RPS6KA1: variants seen among roughly 807,000 people sequenced by gnomAD.
RPS6KA1 encodes ribosomal protein S6 kinase A1.
In RPS6KA1, 48 loss-of-function variants were observed where a neutral mutation model predicts 91.3. The ratio of observed to expected loss-of-function variants is 0.53; its 90% CI spans 0.42 to 0.67. RPS6KA1 has a LOEUF of 0.67. RPS6KA1 is among the 30% of genes least tolerant of loss of function. The pLI, the probability that RPS6KA1 is intolerant of heterozygous loss-of-function variation, is 0.00. For missense variants in RPS6KA1, 719 were observed against 960.5 expected (o/e 0.75, Z 3.32); for synonymous variants, 359 against 384.7 (o/e 0.93, Z 0.78).
At chr1:26,546,734 G>A (rs1260913428) in intron 2 of RPS6KA1, 133 bp from the exon 3 acceptor site, 36 of 657,212 alleles carry the variant, frequency 5.5e-5, no homozygotes. Flanking sequence ...CTGGAGGCTA[G>A]CCCTTCAGGG....
chr1:26,548,733 A>T (rs965071743), intron 4 of RPS6KA1, among the ~76,000 whole-genome samples: 1 of 151,638 alleles, frequency 6.6e-6, no homozygotes, highest in African/African-American at 2.4e-5. Context: ...CAGGAGGTGG[A>T]GATTGCAGTG....
At chr1:26,565,183 T>C (rs2076188389) in intron 17 of RPS6KA1, among the ~76,000 whole-genome samples, 1 of 152,190 alleles carries the variant, frequency 6.6e-6, no homozygotes, top group African/African-American at 2.4e-5. Flanking sequence ...GAAGCTCTTC[T>C]TATTGAGATA....
chr1:26,532,315 T>G (rs933424618), intron 1 of RPS6KA1, among the ~76,000 whole-genome samples: 1 of 152,212 alleles, frequency 6.6e-6, no homozygotes, highest in African/African-American at 2.4e-5. Flanking sequence ...CACCCCACTT[T>G]AATTCTCACA....
chr1:26,555,297 A>G lies in RPS6KA1; in HGVS notation c.827+76A>G, dbSNP rs1570443967. On this transcript the variant is annotated intron_variant, in intron 10 of 21. Coordinates refer to ENST00000374168, the MANE Select transcript of RPS6KA1 (RefSeq NM_002953.4). The surrounding 1 kb of genome is among the most constrained non-coding windows in gnomAD (Gnocchi z 4.3). ...CCAGTTTGGGGGTCAGAATATTATT[A>G]CCCTGTCCCTGCCTCAGCTACCCTC... 3 of 1,419,792 alleles carry G rather than the reference A, an allele frequency of 2.1e-6. No individual in the cohort carries two copies. Among genetic ancestry groups the G allele is most frequent in the East Asian group, 2.3e-5 (1 of 43,194 alleles). 87.9% of individuals were successfully genotyped at this position (1,419,792 alleles called of 1,614,324 possible). A position where few individuals can be genotyped will look rare whatever the true frequency, so the allele number is the denominator to read the frequency against.
Position 26,573,234 on chromosome 1 carries a change from C to T in RPS6KA1, c.1958C>T (p.Ser653Phe), listed in dbSNP as rs779938878. ...CCACTGTGTCCCCAGGACCTGGTGT[C>T]CAAGATGCTACACGTGGATCCCCAC... ...TVSETAKDLV[S>F]KMLHVDPHQR... The change falls in exon 21 of 22, where the codon TCC (serine) becomes TTC (phenylalanine). Residue 653 changes from serine (S) to phenylalanine (F), a missense_variant. By Grantham distance (155) the Ser-to-Phe change is radical (BLOSUM62 -2). This residue lies in a region of RPS6KA1 where 249 missense variants were observed against 323.1 expected (regional missense o/e 0.77). Transcript: ENST00000374168. The T allele has an allele frequency of 6.2e-7, 1 of 1,614,042 alleles. No homozygotes were observed. Among genetic ancestry groups the T allele is most frequent in the Non-Finnish European group, 8.5e-7 (1 of 1,179,980 alleles).
In RPS6KA1 at chr1:26,547,226, G is replaced by C; in HGVS notation, c.263G>C (p.Gly88Ala). The change falls in exon 4 of 22, where the codon GGG becomes GCG. Residue 88 changes from glycine (G) to alanine (A), a missense_variant. Around this residue, in one of 5 missense-constraint regions of RPS6KA1, gnomAD observed 159 missense variants for 264.5 expected, o/e 0.60. Coordinates refer to ENST00000374168, the MANE Select transcript of RPS6KA1 (RefSeq NM_002953.4). The surrounding 1 kb of genome is among the most constrained non-coding windows in gnomAD (Gnocchi z 4.1). ...LVRKVTRPDS[G>A]HLYAMKVLKK... ...CGGAAAGTCACCCGGCCTGACAGTG[G>C]GCACCTGTATGCTATGAAGGTGCTG... The C allele has an allele frequency of 6.2e-7, 1 of 1,614,046 alleles. No individual in the cohort carries two copies. The highest frequency in any genetic ancestry group is 2.2e-5 in the East Asian group (1 of 44,866).
In RPS6KA1 at chr1:26,571,063, A is replaced by C. The variant is rs1374632845; in HGVS notation, c.1591-386A>C. Among the ~76,000 whole-genome samples, 3 of 152,164 alleles carry C rather than the reference A, an allele frequency of 2.0e-5. No individual in the cohort carries two copies. Among genetic ancestry groups the C allele is most frequent in the Admixed American group, 2.0e-4 (3 of 15,264 alleles). On this transcript the variant is annotated intron_variant, in intron 17 of 21. Coordinates refer to ENST00000374168, the MANE Select transcript of RPS6KA1 (RefSeq NM_002953.4). This position sits in a 1 kb window ranked among gnomAD's most constrained non-coding sequence, Gnocchi z 5.1. The stretch of plus-strand genomic sequence containing the variant: ...CTTGAACCCGGGAGGCGGAGGCTGC[A>C]GTGATCTGAGGTCGTGCCACTGCAC...
chr1:26,564,298 G>A (rs551896406), intron 17 of RPS6KA1, among the ~76,000 whole-genome samples: 8 of 151,690 alleles, frequency 5.3e-5, no homozygotes, highest in African/African-American at 9.7e-5. Context: ...TCTCTCTGTC[G>A]CCCAGGCTGG....
chr1:26,533,703 C>CA (rs2075885705), intron 1 of RPS6KA1, among the ~76,000 whole-genome samples: 1 of 152,022 alleles, frequency 6.6e-6, no homozygotes, highest in East Asian at 2.0e-4. Context: ...GAAACTGTCT[C>CA]AAAAAATAAA....
Position 26,554,873 on chromosome 1 carries a change from T to C in RPS6KA1, c.756+135T>C, listed in dbSNP as rs1157221994. The C allele has an allele frequency of 1.6e-6, 2 of 1,220,508 alleles. No individual in the cohort carries two copies. Among genetic ancestry groups the C allele is most frequent in the Admixed American group, 2.4e-5 (1 of 42,160 alleles). The allele number at this position is 1,220,508 out of a possible 1,614,324, so 75.6% of individuals were successfully genotyped here. On this transcript the variant is annotated intron_variant, in intron 9 of 21. Transcript: ENST00000374168. The surrounding 1 kb of genome is among the most constrained non-coding windows in gnomAD (Gnocchi z 4.6). ...ACAGCCAAGCTGGCCTCACCCTATA[T>C]GCACCTGCAGTTTTCTTCCTTGGAA...
At chr1:26,531,812 G>A (rs1455217498) in intron 1 of RPS6KA1, among the ~76,000 whole-genome samples, 2 of 152,168 alleles carry the variant, frequency 1.3e-5, no homozygotes, top group African/African-American at 4.8e-5. Flanking sequence ...GGTGCAGAGC[G>A]CTGGGTACTG....
intron 6 of RPS6KA1, chr1:26,553,001 A>G (rs766946606): frequency 1.4e-5 from 4 of 283,598 alleles, no homozygotes; most frequent in Non-Finnish European, 2.8e-5. Flanking sequence ...AAAAAGTACT[A>G]TTCTGTATAC....
At chr1:26,537,427 GTGGCACTCA>G (rs754036347) in intron 2 of RPS6KA1, among the ~76,000 whole-genome samples, 19 of 152,330 alleles carry the variant, frequency 1.2e-4, no homozygotes, top group Non-Finnish European at 2.5e-4. Flanking sequence ...TGCCTGGCAT[GTGGCACTCA>G]TGGCATTTCT....
intron 17 of RPS6KA1, among the ~76,000 whole-genome samples, chr1:26,567,023 T>C (rs79963303): frequency 9.6e-5 from 9 of 93,892 alleles, no homozygotes; most frequent in African/African-American, 1.8e-4. Context: ...CATATTAACT[T>C]TTTTTTTTTT....
At position 26,542,508 on chromosome 1, in the gene RPS6KA1, G is replaced by A. The variant is rs540546011; in HGVS notation, c.109-4359G>A. Among the ~76,000 whole-genome samples, 42 of 152,316 alleles carry A rather than the reference G, an allele frequency of 2.8e-4. 1 individual carries two copies. The South Asian group carries it at 7.7e-3, about 28-fold the overall frequency. ...TGTGCTGGTATGAGTGATGAAATGAGGCCACGTAGAAAGGGGCTGGGCCTG... is the reference window on the plus strand; with the variant it reads ...TGTGCTGGTATGAGTGATGAAATGAAGCCACGTAGAAAGGGGCTGGGCCTG... On this transcript the variant is annotated intron_variant, in intron 2 of 21. Coordinates refer to ENST00000374168, the MANE Select transcript of RPS6KA1 (RefSeq NM_002953.4).
intron 2 of RPS6KA1, among the ~76,000 whole-genome samples, chr1:26,537,512 C>G (rs186711535): frequency 5.6e-4 from 85 of 152,302 alleles, no homozygotes; most frequent in African/African-American, 1.9e-3. Context: ...TCCCCTGGGC[C>G]CCTTCCTGTA....
intron 2 of RPS6KA1, among the ~76,000 whole-genome samples, chr1:26,542,330 C>T (rs1297709077): frequency 6.6e-6 from 1 of 152,224 alleles, no homozygotes. Flanking sequence ...TTCACAATCT[C>T]CCGGCAGCCA....
chr1:26,551,801 C>G lies in RPS6KA1; in HGVS notation c.468+78C>G, dbSNP rs1444019106. On this transcript the variant is annotated intron_variant, in intron 6 of 21. Coordinates refer to ENST00000374168, the MANE Select transcript of RPS6KA1 (RefSeq NM_002953.4). This position sits in a 1 kb window ranked among gnomAD's most constrained non-coding sequence, Gnocchi z 4.5. Reference sequence around the variant, plus strand: ...AGTCCTCCCATCCCAGGGCCCTGTACAGAATGTGTTTGGTATGGCTTGAAC... The same window carrying G: ...AGTCCTCCCATCCCAGGGCCCTGTAGAGAATGTGTTTGGTATGGCTTGAAC... The G allele has an allele frequency of 4.2e-5, 55 of 1,306,322 alleles. No homozygotes were observed. The highest frequency in any genetic ancestry group is 6.1e-5 in the Non-Finnish European group (55 of 904,308). The allele number at this position is 1,306,322 out of a possible 1,614,324, so 80.9% of individuals were successfully genotyped here.
chr1:26,544,096 G>A, intron 2 of RPS6KA1: 1 of 456,298 alleles, frequency 2.2e-6, no homozygotes, highest in Non-Finnish European at 4.4e-6. Flanking sequence ...AGAACCCACA[G>A]CTCTGCCCTT....
Sources: gnomAD v4.1 joint callset for allele counts (sites outside exome capture counted in the v4.1 genomes callset) on GRCh38, gnomAD v4.1.1 for gene constraint, gnomAD v4.1.1 regional missense constraint, Gnocchi (gnomAD v3.1) non-coding constraint, MANE v1.5 for transcripts, NCBI Gene and HGNC (gene_info 2026-07-23, HGNC 2026-07-21) for gene names.